Variants in NRG3 observed in about 807,000 individuals in gnomAD.
NRG3 encodes the protein pro-neuregulin-3, membrane-bound isoform.
A neutral mutation model predicts 66.9 loss-of-function variants in NRG3; 31 were observed. That is an observed-to-expected ratio of 0.46 (90% CI 0.35 to 0.63). The LOEUF is 0.63. Among genes scored for constraint, NRG3 ranks in the 20% least tolerant of loss-of-function variants. The pLI, the probability that NRG3 is intolerant of heterozygous loss-of-function variation, is 0.00. For missense variants in NRG3, 910 were observed against 878.9 expected (o/e 1.04, Z -0.45); for synonymous variants, 393 against 359.4 (o/e 1.09, Z -1.06).
intron 1 of NRG3, among the ~76,000 whole-genome samples, chr10:82,271,666 C>A (rs1043987240): frequency 1.3e-5 from 2 of 152,028 alleles, no homozygotes; most frequent in African/African-American, 4.8e-5. Context: ...TACTGTTTTC[C>A]TGCACCAACT....
intron 3 of NRG3, among the ~76,000 whole-genome samples, chr10:82,838,806 T>G (rs1410840293): frequency 6.6e-6 from 1 of 152,158 alleles, no homozygotes; most frequent in East Asian, 1.9e-4. Context: ...TTGTCCATTT[T>G]CATGCTGCTG....
chr10:82,486,957 G>A (rs1017929724), intron 2 of NRG3, among the ~76,000 whole-genome samples: 4 of 151,992 alleles, frequency 2.6e-5, no homozygotes, highest in Non-Finnish European at 5.9e-5. Flanking sequence ...AGTCATGTAA[G>A]TTGTAAAGTT....
intron 1 of NRG3, among the ~76,000 whole-genome samples, chr10:82,306,376 C>G (rs2080724809): frequency 6.6e-6 from 1 of 152,004 alleles, no homozygotes; most frequent in Non-Finnish European, 1.5e-5. Flanking sequence ...TAGTCTAACA[C>G]TGTTTGAATA....
chr10:82,823,331 A>G (rs2062035865), intron 3 of NRG3, among the ~76,000 whole-genome samples: 1 of 152,194 alleles, frequency 6.6e-6, no homozygotes, highest in Non-Finnish European at 1.5e-5. Flanking sequence ...AACGATTTAG[A>G]GAAACTCTCA....
chr10:82,302,442 A>G (rs1442824678), intron 1 of NRG3, among the ~76,000 whole-genome samples: 1 of 152,136 alleles, frequency 6.6e-6, no homozygotes, highest in Non-Finnish European at 1.5e-5. Flanking sequence ...TCTGCTGAAC[A>G]ATAATAGTAT....
In NRG3 at chr10:82,985,345, A is replaced by C; in HGVS notation, c.1831A>C (p.Asn611His). ...CKNSYSADVV[N>H]VSIPVSDCLI... The stretch of plus-strand genomic sequence containing the variant: ...AAACTCCTATTCAGCTGACGTTGTC[A>C]ATGTGAGTATTCCAGTCAGCGATTG... The change falls in exon 9 of 9, where the codon AAT becomes CAT. Residue 611 changes from asparagine to histidine, a missense_variant. Transcript: ENST00000372141. The C allele has an allele frequency of 2.5e-6, 4 of 1,614,182 alleles. No individual in the cohort carries two copies. The highest frequency in any genetic ancestry group is 3.4e-6 in the Non-Finnish European group (4 of 1,180,016).
chr10:82,043,419 G>A (rs990268997), intron 1 of NRG3, among the ~76,000 whole-genome samples: 2 of 151,908 alleles, frequency 1.3e-5, no homozygotes, highest in Non-Finnish European at 2.9e-5. Flanking sequence ...GCTTGTTCTT[G>A]TGGTACTACT....
intron 4 of NRG3, among the ~76,000 whole-genome samples, chr10:82,871,436 T>C (rs1159425051): frequency 6.6e-6 from 1 of 152,140 alleles, no homozygotes; most frequent in African/African-American, 2.4e-5. Flanking sequence ...TTAGAATCAG[T>C]TTATGAAGAT....
At chr10:82,592,277 A>C (rs867240183) in intron 2 of NRG3, among the ~76,000 whole-genome samples, 5 of 152,110 alleles carry the variant, frequency 3.3e-5, no homozygotes, top group South Asian at 2.1e-4. Flanking sequence ...TGCCATCTTT[A>C]ATGTGTGATT....
chr10:82,106,741 A>G lies in NRG3; in HGVS notation c.823+230578A>G, dbSNP rs566763213. Among the ~76,000 whole-genome samples, 231 of 152,076 alleles carry G rather than the reference A, an allele frequency of 1.5e-3. 2 individuals are homozygous for G. Among genetic ancestry groups the G allele is most frequent in the African/African-American group, 5.2e-3 (217 of 41,494 alleles). On this transcript the variant is annotated intron_variant, in intron 1 of 8. Transcript: ENST00000372141. ...GGCTGGTCTCGAACTCCTGACCTCA[A>G]ATGATCCGCCTGCCTCGGCCTCCAA...
At chr10:82,319,463 A>G (rs149419727) in intron 1 of NRG3, among the ~76,000 whole-genome samples, 51 of 152,332 alleles carry the variant, frequency 3.3e-4, no homozygotes, top group African/African-American at 1.1e-3. Flanking sequence ...TGCAATTTGC[A>G]TGGGGATTTC....
intron 1 of NRG3, among the ~76,000 whole-genome samples, chr10:82,016,673 T>C (rs10509442): frequency 0.15 from 22,165 of 152,080 alleles, 2,054 homozygotes; most frequent in East Asian, 0.35. Context: ...AATATTGTTA[T>C]GTTTTAAGTG....
At chr10:82,766,179 G>A (rs2059505263) in intron 3 of NRG3, among the ~76,000 whole-genome samples, 1 of 152,160 alleles carries the variant, frequency 6.6e-6, no homozygotes, top group South Asian at 2.1e-4. Context: ...TTTCTTGATA[G>A]GGAATGAACC....
intron 1 of NRG3, among the ~76,000 whole-genome samples, chr10:82,313,298 C>T (rs2081128120): frequency 6.6e-6 from 1 of 151,954 alleles, no homozygotes; most frequent in Non-Finnish European, 1.5e-5. Flanking sequence ...GATAGTGTCA[C>T]TGCACTCCAG....
intron 1 of NRG3, among the ~76,000 whole-genome samples, chr10:82,141,649 T>A (rs986631317): frequency 7.2e-5 from 11 of 151,820 alleles, no homozygotes; most frequent in African/African-American, 2.7e-4. Context: ...AAAAAAAAAA[T>A]CACAGTGATT....
rs369104810 is a variant in NRG3, at chr10:82,114,410, C to T, written c.823+238247C>T. On this transcript the variant is annotated intron_variant, in intron 1 of 8. Coordinates refer to ENST00000372141, the MANE Select transcript of NRG3 (RefSeq NM_001010848.4). ...GAGAGAAGGAATAAAAGAACCTGAA[C>T]GTGCTAAAAAATTCAAATTATTTTC... Among the ~76,000 whole-genome samples the T allele has an allele frequency of 5.3e-5, 8 of 152,238 alleles. No individual in the cohort carries two copies. In the East Asian group the frequency reaches 1.5e-3, roughly 29 times the overall value.
At chr10:82,675,478 A>G (rs948224363) in intron 2 of NRG3, among the ~76,000 whole-genome samples, 1 of 152,194 alleles carries the variant, frequency 6.6e-6, no homozygotes, top group Non-Finnish European at 1.5e-5. Context: ...GGCCAATCTT[A>G]GGTTCAATAA....
intron 8 of NRG3, chr10:82,984,642 CACA>C (rs2132701280): frequency 1.4e-6 from 1 of 725,464 alleles, no homozygotes; most frequent in East Asian, 2.8e-5. Context: ...CTAGGGTGGC[CACA>C]ACAAGTCTAC....
intron 2 of NRG3, among the ~76,000 whole-genome samples, chr10:82,674,730 T>A (rs2053543120): frequency 6.6e-6 from 1 of 152,036 alleles, no homozygotes. Flanking sequence ...CTCAGATCTC[T>A]CAGATGAAGT....
Sources: gnomAD v4.1 joint callset for allele counts (sites outside exome capture counted in the v4.1 genomes callset) on GRCh38, gnomAD v4.1.1 for gene constraint, MANE v1.5 for transcripts, NCBI Gene and HGNC (gene_info 2026-07-23, HGNC 2026-07-21) for gene names.